Variants in SPIN1 observed in about 807,000 individuals in gnomAD.
The protein encoded by SPIN1 is spindlin-1.
In SPIN1, 3 loss-of-function variants were observed where a neutral mutation model predicts 26.0. The ratio of observed to expected loss-of-function variants is 0.12; its 90% CI spans 0.05 to 0.30. SPIN1 has a LOEUF of 0.30. Among genes scored for constraint, SPIN1 ranks in the 10% least tolerant of loss-of-function variants. The pLI is 1.00. For missense variants in SPIN1, 126 were observed against 333.4 expected (o/e 0.38, Z 4.84); for synonymous variants, 101 against 116.5 (o/e 0.87, Z 0.86).
In SPIN1 at chr9:88,448,936, T is replaced by A. The variant is rs539187451; in HGVS notation, c.53-5T>A. 1.2e-6 allele frequency: 2 copies of A among 1,613,270 alleles called. No homozygotes were observed. The highest frequency in any genetic ancestry group is 3.3e-5 in the Admixed American group (2 of 59,892). ...TCATTGACTATATACTCATCTCTCT[T>A]ACAGGCCATGCTGGAGTATCTGCCA... On this transcript the variant is annotated splice_region_variant and splice_polypyrimidine_tract_variant and intron_variant, in intron 2 of 5. Transcript: ENST00000375859.
At position 88,446,465 on chromosome 9, in the gene SPIN1, A is replaced by T. The variant is rs370857719; in HGVS notation, c.53-2476A>T. Among the ~76,000 whole-genome samples the T allele has an allele frequency of 1.3e-3, 186 of 147,654 alleles. 5 individuals carry two copies. The South Asian group carries it at 0.036, about 29-fold the overall frequency. On this transcript the variant is annotated intron_variant, in intron 2 of 5. Coordinates refer to ENST00000375859, the MANE Select transcript of SPIN1 (RefSeq NM_006717.3). Reference sequence around the variant, plus strand: ...CTTGTTGCCCAAGCTGGAGTGCAGTAACACAATCTCGGCTTACTGCAACCT... The same window carrying T: ...CTTGTTGCCCAAGCTGGAGTGCAGTTACACAATCTCGGCTTACTGCAACCT...
At chr9:88,392,740 A>G (rs1826958039) in intron 1 of SPIN1, among the ~76,000 whole-genome samples, 1 of 152,014 alleles carries the variant, frequency 6.6e-6, no homozygotes, top group Non-Finnish European at 1.5e-5. Flanking sequence ...CTACCTCATC[A>G]GGGGTGAGCT....
intron 1 of SPIN1, among the ~76,000 whole-genome samples, chr9:88,402,431 A>T (rs1162513721): frequency 4.0e-5 from 6 of 151,684 alleles, no homozygotes; most frequent in Admixed American, 2.0e-4. Context: ...GTATGTTTGT[A>T]CCCATTAACC....
chr9:88,432,485 C>CT (rs539466271), intron 2 of SPIN1, among the ~76,000 whole-genome samples: 27,175 of 141,442 alleles, frequency 0.19, 3,486 homozygotes, highest in African/African-American at 0.37. Context: ...ACCCTGGCTC[C>CT]TTTTTTTTTT....
chr9:88,468,409 A>G lies in SPIN1; in HGVS notation c.393A>G (p.Thr131=), dbSNP rs1199266075. ...SRISDAHLAD[T]MIGKAVEHMF... The stretch of plus-strand genomic sequence containing the variant: ...TCAGCGATGCACACTTGGCAGACAC[A>G]ATGATTGGCAAAGCAGTGGAACATA... Residue 131 remains threonine, a synonymous_variant, in exon 5 of 6, where the codon ACA becomes ACG. Transcript: ENST00000375859. The G allele has an allele frequency of 1.7e-5, 28 of 1,608,536 alleles. No homozygotes were observed. The highest frequency in any genetic ancestry group is 2.4e-5 in the Non-Finnish European group (28 of 1,177,910).
intron 3 of SPIN1, among the ~76,000 whole-genome samples, chr9:88,460,468 G>A (rs1377318946): frequency 2.0e-5 from 3 of 152,160 alleles, no homozygotes; most frequent in Non-Finnish European, 2.9e-5. Flanking sequence ...AAATAGAATC[G>A]TTGGGAAATA....
chr9:88,432,539 C>T (rs1265431961), intron 2 of SPIN1, among the ~76,000 whole-genome samples: 2 of 151,256 alleles, frequency 1.3e-5, no homozygotes, highest in Non-Finnish European at 2.9e-5. Flanking sequence ...GGCTGGAGTG[C>T]AGTGGCGCGA....
chr9:88,398,254 T>A (rs1188123257), intron 1 of SPIN1, among the ~76,000 whole-genome samples: 3 of 152,032 alleles, frequency 2.0e-5, no homozygotes, highest in Non-Finnish European at 4.4e-5. Flanking sequence ...CCTGGCTGTC[T>A]GAAGTTCTTG....
At chr9:88,416,110 C>CT (rs1402564895) in intron 1 of SPIN1, among the ~76,000 whole-genome samples, 2 of 152,012 alleles carry the variant, frequency 1.3e-5, no homozygotes, top group Non-Finnish European at 2.9e-5. Context: ...GAGTTGTACT[C>CT]TGAGTATTTT....
chr9:88,477,004 T>TAA lies in SPIN1; in HGVS notation c.*1729_*1730dup, dbSNP rs1283183879. ...TGGATGGTAACGACCACTCACCATG[T>TAA]AAACACAGTACCTCAGTTTTCTGTC... is the stretch of plus-strand genomic sequence containing the variant. On this transcript the variant is annotated 3_prime_UTR_variant, in exon 6 of 6. Coordinates refer to ENST00000375859, the MANE Select transcript of SPIN1 (RefSeq NM_006717.3). 1 of 152,236 alleles carries TAA rather than the reference T, an allele frequency of 6.6e-6. No homozygotes were observed. The highest frequency in any genetic ancestry group is 2.4e-5 in the African/African-American group (1 of 41,456). The allele number at this position is 152,236 out of a possible 1,614,324, so 9.4% of individuals were successfully genotyped here. A position where few individuals can be genotyped will look rare whatever the true frequency, so the allele number is the denominator to read the frequency against.
chr9:88,430,242 C>T (rs916261739), intron 2 of SPIN1, among the ~76,000 whole-genome samples: 2 of 152,210 alleles, frequency 1.3e-5, no homozygotes, highest in Non-Finnish European at 2.9e-5. Flanking sequence ...CTTCTTCACT[C>T]ACATGGGCTG....
intron 3 of SPIN1, among the ~76,000 whole-genome samples, chr9:88,460,423 C>T (rs1178352000): frequency 6.6e-6 from 1 of 152,072 alleles, no homozygotes; most frequent in Non-Finnish European, 1.5e-5. Flanking sequence ...CTTTTCTGTT[C>T]CTGATACATG....
At chr9:88,469,784 T>C (rs1828740294) in intron 5 of SPIN1, among the ~76,000 whole-genome samples, 2 of 152,196 alleles carry the variant, frequency 1.3e-5, no homozygotes, top group Admixed American at 6.5e-5. Context: ...CCACCAGCCT[T>C]GGCCTCCCAC....
chr9:88,458,253 A>G (rs1315741276), intron 3 of SPIN1, among the ~76,000 whole-genome samples: 5 of 152,236 alleles, frequency 3.3e-5, no homozygotes, highest in Non-Finnish European at 5.9e-5. Context: ...CAGGTAGACA[A>G]CACAGAACAA....
chr9:88,445,390 C>A (rs183801081), intron 2 of SPIN1, among the ~76,000 whole-genome samples: 1 of 151,876 alleles, frequency 6.6e-6, no homozygotes. Context: ...CGTCTCAGTG[C>A]GTATGAACAT....
chr9:88,412,939 C>A (rs1187600869), intron 1 of SPIN1, among the ~76,000 whole-genome samples: 4 of 151,886 alleles, frequency 2.6e-5, no homozygotes, highest in Non-Finnish European at 5.9e-5. Flanking sequence ...ACCTTGGCCT[C>A]CCAAAGTGCT....
intron 5 of SPIN1, 32 bp from the exon 6 acceptor site, chr9:88,475,046 T>C (rs1400186788): frequency 7.1e-6 from 9 of 1,275,034 alleles, no homozygotes; most frequent in Non-Finnish European, 9.3e-6. Flanking sequence ...TCTCTCTCTC[T>C]CTTTTTTTTT....
intron 3 of SPIN1, among the ~76,000 whole-genome samples, chr9:88,453,752 C>T (rs1226214451): frequency 6.6e-6 from 1 of 152,148 alleles, no homozygotes; most frequent in African/African-American, 2.4e-5. Flanking sequence ...TCTCAAACTC[C>T]CGACCTCAGG....
chr9:88,402,520 T>C (rs1308992862), intron 1 of SPIN1, among the ~76,000 whole-genome samples: 2 of 152,006 alleles, frequency 1.3e-5, no homozygotes, highest in Non-Finnish European at 2.9e-5. Context: ...CTTTTTTTTT[T>C]TTTTTTTATA....
Sources: allele counts gnomAD v4.1 joint callset (sites outside exome capture counted in the v4.1 genomes callset), GRCh38; gene constraint gnomAD v4.1.1; transcripts MANE v1.5; gene names NCBI Gene and HGNC (gene_info 2026-07-23, HGNC 2026-07-21).